Variants in UBE2G1 observed in about 807,000 individuals in gnomAD.
The protein encoded by UBE2G1 is ubiquitin-conjugating enzyme E2 G1.
A neutral mutation model predicts 22.7 loss-of-function variants in UBE2G1; 5 were observed. The ratio of observed to expected loss-of-function variants is 0.22; its 90% confidence interval spans 0.12 to 0.46. The LOEUF is 0.46. Among genes scored for constraint, UBE2G1 ranks in the 20% least tolerant of loss-of-function variants. The probability of loss-of-function intolerance (pLI) is 0.99; values close to 1 mark genes in which losing one functional copy is unlikely to be tolerated. For missense variants in UBE2G1, 88 were observed against 203.9 expected, an observed-to-expected ratio of 0.43 and a Z score of 3.46; for synonymous variants, 74 against 67.5, an observed-to-expected ratio of 1.10 and a Z score of -0.47.
intron 1 of UBE2G1, among the ~76,000 whole-genome samples, chr17:4,311,879 G>A (rs1969314218): frequency 6.6e-6 from 1 of 152,188 alleles, no homozygotes; most frequent in African/African-American, 2.4e-5. Context: ...GAGGAGGTTT[G>A]TCAAGAGAGG....
chr17:4,276,851 G>T (rs1277473566), intron 5 of UBE2G1, among the ~76,000 whole-genome samples: 2 of 152,166 alleles, frequency 1.3e-5, no homozygotes, highest in African/African-American at 4.8e-5. Context: ...TGAAACAAAG[G>T]CCTCAGTCAA....
At chr17:4,338,318 T>G (rs913731724) in intron 1 of UBE2G1, among the ~76,000 whole-genome samples, 3 of 152,058 alleles carry the variant, frequency 2.0e-5, no homozygotes, top group Admixed American at 2.0e-4. Flanking sequence ...TAAAAATAAG[T>G]ATAAAATATG....
chr17:4,348,061 C>T (rs938200743), intron 1 of UBE2G1, among the ~76,000 whole-genome samples: 2 of 152,148 alleles, frequency 1.3e-5, no homozygotes, highest in African/African-American at 4.8e-5. Flanking sequence ...AAATCAAACG[C>T]TAGAAACGAT....
intron 1 of UBE2G1, among the ~76,000 whole-genome samples, chr17:4,358,634 T>C (rs1280570619): frequency 2.6e-5 from 4 of 152,242 alleles, no homozygotes; most frequent in South Asian, 2.1e-4. Flanking sequence ...TTTCCTTTTA[T>C]GGCTCATGCT....
rs1253618823 is a variant in UBE2G1 at position 4,296,818 on chromosome 17, G to GA, written c.150-5dup. On this transcript the variant is annotated splice_polypyrimidine_tract_variant and splice_region_variant and intron_variant, in intron 2 of 5. Coordinates refer to ENST00000396981, the MANE Select transcript of UBE2G1 (RefSeq NM_003342.5). Reference sequence around the variant, plus strand: ...AGCCTTAAAAACACCACCTTCACTGGAAAAAAGAACAAAAAGAAGTTCTTG... The same window carrying GA: ...AGCCTTAAAAACACCACCTTCACTGGAAAAAAAGAACAAAAAGAAGTTCTTG... 1.4e-5 allele frequency: 22 copies of GA among 1,610,430 alleles called. No homozygotes were observed. In the African/African-American group the frequency reaches 1.5e-4, roughly 11 times the overall value.
intron 1 of UBE2G1, among the ~76,000 whole-genome samples, chr17:4,310,990 C>T (rs982213371): frequency 6.6e-6 from 1 of 152,000 alleles, no homozygotes; most frequent in Admixed American, 6.6e-5. Flanking sequence ...GTGGGCAGAT[C>T]GTTTGAGCCC....
intron 1 of UBE2G1, among the ~76,000 whole-genome samples, chr17:4,358,721 G>A (rs1969934840): frequency 6.6e-6 from 1 of 152,192 alleles, no homozygotes; most frequent in Admixed American, 6.5e-5. Context: ...GGAGGCTGAA[G>A]CAGGTGGATC....
chr17:4,356,781 C>T (rs1969910629), intron 1 of UBE2G1, among the ~76,000 whole-genome samples: 1 of 152,158 alleles, frequency 6.6e-6, no homozygotes, highest in South Asian at 2.1e-4. Flanking sequence ...CTTCCTGTTC[C>T]TTGAACATGT....
chr17:4,308,543 C>T (rs1332212962), intron 1 of UBE2G1, among the ~76,000 whole-genome samples: 1 of 151,976 alleles, frequency 6.6e-6, no homozygotes, highest in Non-Finnish European at 1.5e-5. Flanking sequence ...AAAAAACACA[C>T]ACACACAATT....
At chr17:4,339,515 G>A (rs1037650088) in intron 1 of UBE2G1, among the ~76,000 whole-genome samples, 1 of 152,074 alleles carries the variant, frequency 6.6e-6, no homozygotes, top group Non-Finnish European at 1.5e-5. Flanking sequence ...TGTTGACCAG[G>A]CTGGTCTTAA....
intron 1 of UBE2G1, among the ~76,000 whole-genome samples, chr17:4,313,129 C>T (rs1969330304): frequency 6.6e-6 from 1 of 152,106 alleles, no homozygotes; most frequent in South Asian, 2.1e-4. Flanking sequence ...AGACAGATTA[C>T]AGATATAAAC....
chr17:4,347,096 T>C (rs1022077685), intron 1 of UBE2G1, among the ~76,000 whole-genome samples: 2 of 152,010 alleles, frequency 1.3e-5, no homozygotes, highest in African/African-American at 4.8e-5. Context: ...GAGGTTGCAG[T>C]GAGCCAAGAT....
rs1192650398 is a variant in UBE2G1 at position 4,326,470 on chromosome 17, C to T, written c.47-19347G>A. Among the ~76,000 whole-genome samples, 4 of 152,274 alleles carry T rather than the reference C, an allele frequency of 2.6e-5. No individual in the cohort carries two copies. The East Asian group carries it at 7.7e-4, about 29-fold the overall frequency. On this transcript the variant is annotated intron_variant, in intron 1 of 5. Transcript: ENST00000396981. Reference sequence around the variant, plus strand: ...CAAGAATGTAGAGAAATTAGAACCCCATGCATTGCTAATGGGAATGTAAGA... The same window carrying T: ...CAAGAATGTAGAGAAATTAGAACCCTATGCATTGCTAATGGGAATGTAAGA...
intron 3 of UBE2G1, among the ~76,000 whole-genome samples, chr17:4,295,112 G>A (rs559633606): frequency 2.6e-5 from 4 of 152,200 alleles, no homozygotes; most frequent in Admixed American, 6.5e-5. Flanking sequence ...TTACATCTTC[G>A]AAATAGGTGC....
At chr17:4,300,678 A>G (rs1969167199) in intron 2 of UBE2G1, among the ~76,000 whole-genome samples, 1 of 151,962 alleles carries the variant, frequency 6.6e-6, no homozygotes, top group Non-Finnish European at 1.5e-5. Flanking sequence ...AAAAAGAGGT[A>G]TGTAGGCCGG....
intron 4 of UBE2G1, among the ~76,000 whole-genome samples, chr17:4,285,417 A>G (rs1170948219): frequency 2.0e-5 from 3 of 152,202 alleles, no homozygotes; most frequent in African/African-American, 7.2e-5. Context: ...TTCTCCCTAT[A>G]ATATTAGAAA....
At chr17:4,313,000 T>C (rs1969329188) in intron 1 of UBE2G1, among the ~76,000 whole-genome samples, 1 of 152,148 alleles carries the variant, frequency 6.6e-6, no homozygotes, top group South Asian at 2.1e-4. Context: ...AAAAGTGTAG[T>C]AGTCACGGGT....
intron 4 of UBE2G1, among the ~76,000 whole-genome samples, chr17:4,284,509 G>A (rs1257431378): frequency 2.0e-5 from 3 of 151,660 alleles, no homozygotes; most frequent in South Asian, 2.1e-4. Context: ...GCTGAGGTGA[G>A]AGAATCACTT....
At chr17:4,356,937 T>A (rs771960337) in intron 1 of UBE2G1, among the ~76,000 whole-genome samples, 3 of 152,158 alleles carry the variant, frequency 2.0e-5, no homozygotes, top group Admixed American at 6.6e-5. Context: ...AAGGGGGAAC[T>A]GTACAGAAAG....
Sources: allele counts gnomAD v4.1 joint callset (sites outside exome capture counted in the v4.1 genomes callset), GRCh38; gene constraint gnomAD v4.1.1; transcripts MANE v1.5; gene names NCBI Gene and HGNC (gene_info 2026-07-23, HGNC 2026-07-21).